Variants in IL1RAP observed in about 807,000 individuals in gnomAD.
The protein encoded by IL1RAP is interleukin 1 receptor accessory protein, also known as interleukin-1 receptor accessory protein.
Under a neutral mutation model 60.7 loss-of-function variants are expected in IL1RAP, and 35 were observed. The observed-to-expected ratio is 0.58, with a 90% CI of 0.44 to 0.76. The LOEUF is 0.76. Ranked by LOEUF, IL1RAP falls within the 30% of genes least tolerant of loss-of-function variation. IL1RAP has a pLI of 0.00. For missense variants in IL1RAP, 572 were observed against 693.9 expected (o/e 0.82, Z 1.97); for synonymous variants, 268 against 250.9 (o/e 1.07, Z -0.64).
chr3:190,575,480 C>T (rs1024675364), intron 3 of IL1RAP, among the ~76,000 whole-genome samples: 5 of 152,126 alleles, frequency 3.3e-5, no homozygotes, highest in Non-Finnish European at 2.9e-5. Context: ...ATATTCCTTT[C>T]CTTATCCCAT....
intron 3 of IL1RAP, among the ~76,000 whole-genome samples, chr3:190,595,941 G>A (rs1360360244): frequency 6.6e-6 from 1 of 152,122 alleles, no homozygotes; most frequent in Admixed American, 6.5e-5. Context: ...TCTGATACAG[G>A]TTCAGCTAAT....
chr3:190,604,135 C>T lies in IL1RAP; in HGVS notation c.72C>T (p.Cys24=), dbSNP rs753806683. 6.2e-6 allele frequency: 10 copies of T among 1,613,536 alleles called. No individual in the cohort carries two copies. The highest frequency in any genetic ancestry group is 2.2e-5 in the South Asian group (2 of 91,048). ...GILQSDASER[C]DDWGLDTMRQ... ...CTTTTTTGATTATTCCAGAACGCTG[C>T]GATGACTGGGGACTAGACACCATGA... is the stretch of plus-strand genomic sequence containing the variant. Residue 24 remains cysteine, a synonymous_variant, in exon 4 of 12, where the codon TGC becomes TGT. Transcript: ENST00000447382.
At chr3:190,613,494 T>A (rs929045050) in intron 5 of IL1RAP, among the ~76,000 whole-genome samples, 3 of 152,096 alleles carry the variant, frequency 2.0e-5, no homozygotes, top group African/African-American at 7.2e-5. Context: ...AGAAGAGAAC[T>A]GAGCTAATGC....
intron 2 of IL1RAP, among the ~76,000 whole-genome samples, chr3:190,560,654 TCC>T (rs1725806015): frequency 6.6e-6 from 1 of 152,078 alleles, no homozygotes; most frequent in African/African-American, 2.4e-5. Flanking sequence ...TCATGGCAAA[TCC>T]CACCCTTGGC....
chr3:190,656,497 C>T (rs1734624515), downstream of IL1RAP: 1 of 1,537,180 alleles, frequency 6.5e-7, no homozygotes, highest in South Asian at 1.2e-5. Context: ...GTCAGAAACT[C>T]AATGGATACA....
chr3:190,579,558 G>A (rs1727803751), intron 3 of IL1RAP, among the ~76,000 whole-genome samples: 1 of 151,914 alleles, frequency 6.6e-6, no homozygotes, highest in African/African-American at 2.4e-5. Context: ...CAGACCCAAG[G>A]GATTCCTACC....
intron 8 of IL1RAP, among the ~76,000 whole-genome samples, chr3:190,627,895 T>TTTG (rs1283901759): frequency 1.3e-5 from 2 of 152,186 alleles, no homozygotes; most frequent in African/African-American, 4.8e-5. Flanking sequence ...GCCCTATGTA[T>TTTG]TTGTGCCTTA....
intron 4 of IL1RAP, among the ~76,000 whole-genome samples, chr3:190,605,451 T>A (rs998081697): frequency 6.6e-6 from 1 of 152,230 alleles, no homozygotes; most frequent in African/African-American, 2.4e-5. Flanking sequence ...CAGTCACTTT[T>A]TAGCTGCCAG....
At chr3:190,600,807 T>A (rs1283171653) in intron 3 of IL1RAP, among the ~76,000 whole-genome samples, 1 of 152,070 alleles carries the variant, frequency 6.6e-6, no homozygotes, top group Non-Finnish European at 1.5e-5. Context: ...AATTCCTGGG[T>A]CTTTTCAGCA....
intron 1 of IL1RAP, among the ~76,000 whole-genome samples, chr3:190,555,378 A>G (rs1725327288): frequency 6.6e-6 from 1 of 151,938 alleles, no homozygotes; most frequent in Non-Finnish European, 1.5e-5. Flanking sequence ...TGTTCTCTAT[A>G]CTGTGTGGGG....
chr3:190,609,361 G>A (rs1379001111), intron 5 of IL1RAP, among the ~76,000 whole-genome samples, 180 bp downstream of exon 5: 1 of 152,158 alleles, frequency 6.6e-6, no homozygotes, highest in Non-Finnish European at 1.5e-5. Flanking sequence ...AGGAAGTGGT[G>A]CACAGTACTT....
intron 9 of IL1RAP, among the ~76,000 whole-genome samples, chr3:190,633,895 C>T (rs751352933): frequency 2.0e-5 from 3 of 152,078 alleles, no homozygotes; most frequent in Non-Finnish European, 4.4e-5. Flanking sequence ...TCTTTTGGAC[C>T]TCCAGTACAA....
chr3:190,595,873 T>C (rs1729338230), intron 3 of IL1RAP, among the ~76,000 whole-genome samples: 1 of 152,236 alleles, frequency 6.6e-6, no homozygotes, highest in Admixed American at 6.5e-5. Context: ...TTTCATTCAG[T>C]TAACTCTATT....
chr3:190,552,103 T>C (rs1400355264), intron 1 of IL1RAP, among the ~76,000 whole-genome samples: 2 of 152,172 alleles, frequency 1.3e-5, no homozygotes, highest in Non-Finnish European at 2.9e-5. Flanking sequence ...GGAAAGACAA[T>C]TTTGTAACTA....
At chr3:190,582,237 T>C (rs761114988) in intron 3 of IL1RAP, among the ~76,000 whole-genome samples, 3 of 152,200 alleles carry the variant, frequency 2.0e-5, no homozygotes, top group Non-Finnish European at 2.9e-5. Context: ...TCATTTTCCA[T>C]GTGGCTCTTA....
chr3:190,553,771 G>A (rs2098573), intron 1 of IL1RAP, among the ~76,000 whole-genome samples: 5 of 152,092 alleles, frequency 3.3e-5, no homozygotes, highest in African/African-American at 1.2e-4. Context: ...TTAGAAATGA[G>A]AGGGAAAGGC....
intron 1 of IL1RAP, among the ~76,000 whole-genome samples, chr3:190,532,945 TG>T (rs1452169743): frequency 1.3e-5 from 2 of 152,232 alleles, no homozygotes; most frequent in Non-Finnish European, 2.9e-5. Flanking sequence ...TAGTTCCTTC[TG>T]TTTTAATGAC....
chr3:190,572,864 T>TTG lies in IL1RAP; in HGVS notation c.64+8512_64+8513insGT. 4.5e-5 allele frequency among the ~76,000 whole-genome samples: 2 copies of TTG among 44,800 alleles called. 1 individual carries two copies. Among genetic ancestry groups the TTG allele is most frequent in the South Asian group, 1.6e-3 (2 of 1,248 alleles). The allele number at this position is 44,800 out of a possible 152,430, so 29.4% of individuals were successfully genotyped here. On this transcript the variant is annotated intron_variant, in intron 3 of 11. Transcript: ENST00000447382. ...ATGTCCAGGGTTAATGCTTTGTTTTTTTTTTTTTTTTTTTTTTGAGACGGA... is the reference window on the plus strand; with the variant it reads ...ATGTCCAGGGTTAATGCTTTGTTTTTTGTTTTTTTTTTTTTTTTTGAGACGGA...
chr3:190,630,589 G>T (rs191565815), intron 9 of IL1RAP, among the ~76,000 whole-genome samples: 1 of 152,170 alleles, frequency 6.6e-6, no homozygotes. Flanking sequence ...AATAGCAAAG[G>T]CCTGAAATGT....
Sources: allele counts gnomAD v4.1 joint callset (sites outside exome capture counted in the v4.1 genomes callset), GRCh38; gene constraint gnomAD v4.1.1; transcripts MANE v1.5; gene names NCBI Gene and HGNC (gene_info 2026-07-23, HGNC 2026-07-21).